Variants in MIPOL1 observed in about 807,000 individuals in gnomAD.
MIPOL1 encodes mirror-image polydactyly gene 1 protein.
Under a neutral mutation model 60.9 loss-of-function variants are expected in MIPOL1, and 57 were observed. That is an observed-to-expected ratio of 0.94 (90% CI 0.76 to 1.17). The LOEUF (loss-of-function observed/expected upper bound fraction) is 1.17, where lower values mean the gene tolerates loss of function less well. Among genes scored for constraint, MIPOL1 ranks in the 50% most tolerant of loss-of-function variants. The pLI is 0.00. For synonymous variants in MIPOL1, 179 were observed against 168.8 expected, an observed-to-expected ratio of 1.06 and a Z score of -0.47; for missense variants, 551 against 511.6, an observed-to-expected ratio of 1.08 and a Z score of -0.74.
At chr14:37,520,460 T>C (rs903301007) in intron 12 of MIPOL1, among the ~76,000 whole-genome samples, 1 of 152,156 alleles carries the variant, frequency 6.6e-6, no homozygotes, top group Admixed American at 6.5e-5. Flanking sequence ...TTAATAAAAC[T>C]AACCAGTTAT....
chr14:37,363,685 T>G (rs190822051), intron 9 of MIPOL1, among the ~76,000 whole-genome samples: 127 of 152,324 alleles, frequency 8.3e-4, no homozygotes, highest in Non-Finnish European at 1.6e-3. Context: ...CAGGGACATT[T>G]AAGTCTGTAG....
chr14:37,295,699 G>C (rs1264446499), intron 7 of MIPOL1, among the ~76,000 whole-genome samples: 4 of 152,156 alleles, frequency 2.6e-5, no homozygotes, highest in African/African-American at 7.2e-5. Flanking sequence ...GATCAAAAGA[G>C]ACAAAGAAGG....
At chr14:37,467,186 TA>T (rs757633641) in intron 11 of MIPOL1, among the ~76,000 whole-genome samples, 2 of 152,190 alleles carry the variant, frequency 1.3e-5, no homozygotes, top group African/African-American at 2.4e-5. Context: ...TTTATAACCC[TA>T]AAACCTGTAG....
At chr14:37,264,300 C>G (rs1365858995) in intron 3 of MIPOL1, among the ~76,000 whole-genome samples, 1 of 151,886 alleles carries the variant, frequency 6.6e-6, no homozygotes, top group Non-Finnish European at 1.5e-5. Flanking sequence ...GTGTTTCATG[C>G]CTGTTGCTTA....
intron 11 of MIPOL1, among the ~76,000 whole-genome samples, chr14:37,476,895 CTTTTTTTT>C (rs869027204): frequency 2.3e-5 from 2 of 87,334 alleles, no homozygotes; most frequent in East Asian, 4.1e-4. Context: ...CTTGTAATGT[CTTTTTTTT>C]TTTTTTTTTT....
rs115085326 is a variant in MIPOL1, at chr14:37,547,480, G to A, written c.*509G>A. On this transcript the variant is annotated 3_prime_UTR_variant, in exon 13 of 13. Transcript: ENST00000684589. ...TGAGTGTGTAGTCTTCCTTCAATGC[G>A]TGTATGTAATCTTTGTTAGTATAAA... 2,204 of 152,758 alleles carry A rather than the reference G, an allele frequency of 0.014. 53 individuals carry two copies. Among genetic ancestry groups the A allele is most frequent in the African/African-American group, 0.048 (2,008 of 41,516 alleles). The allele number at this position is 152,758 out of a possible 1,614,324, so 9.5% of individuals were successfully genotyped here. A position where few individuals can be genotyped will look rare whatever the true frequency, so the allele number is the denominator to read the frequency against.
chr14:37,515,050 T>G (rs746760878), intron 12 of MIPOL1, among the ~76,000 whole-genome samples: 15 of 152,168 alleles, frequency 9.9e-5, no homozygotes, highest in Non-Finnish European at 2.2e-4. Flanking sequence ...ATTTGCCCAT[T>G]GGTAAATTTA....
chr14:37,279,451 A>G (rs941838226), intron 6 of MIPOL1, among the ~76,000 whole-genome samples: 2 of 151,814 alleles, frequency 1.3e-5, no homozygotes, highest in Admixed American at 6.6e-5. Flanking sequence ...AGTGTTTACA[A>G]TTAAGTTTTC....
At chr14:37,515,035 T>C (rs558630012) in intron 12 of MIPOL1, among the ~76,000 whole-genome samples, 4 of 152,344 alleles carry the variant, frequency 2.6e-5, no homozygotes, top group African/African-American at 9.6e-5. Context: ...TTTGCCGATG[T>C]CCATATTTGC....
At chr14:37,274,739 T>C (rs759801035) in intron 6 of MIPOL1, among the ~76,000 whole-genome samples, 2 of 151,208 alleles carry the variant, frequency 1.3e-5, no homozygotes, top group Non-Finnish European at 3.0e-5. Context: ...CTACTATAGG[T>C]TGTTGTGATG....
chr14:37,324,169 A>G (rs192538276), intron 9 of MIPOL1, among the ~76,000 whole-genome samples: 2 of 152,156 alleles, frequency 1.3e-5, no homozygotes, highest in East Asian at 3.9e-4. Flanking sequence ...GTATTATTTT[A>G]CATTCTCAGC....
At chr14:37,443,260 A>G (rs1246761233) in intron 11 of MIPOL1, among the ~76,000 whole-genome samples, 4 of 151,988 alleles carry the variant, frequency 2.6e-5, no homozygotes, top group African/African-American at 9.7e-5. Context: ...GGAGTTTGAG[A>G]CCAGTCTGGG....
intron 11 of MIPOL1, among the ~76,000 whole-genome samples, chr14:37,450,681 T>C (rs1467108899): frequency 3.3e-5 from 5 of 152,132 alleles, no homozygotes; most frequent in Admixed American, 1.3e-4. Flanking sequence ...TTTGATAGTT[T>C]TCTCTTTCGT....
intron 11 of MIPOL1, among the ~76,000 whole-genome samples, chr14:37,468,168 G>A (rs910265943): frequency 1.4e-5 from 2 of 142,454 alleles, no homozygotes; most frequent in Admixed American, 7.0e-5. Flanking sequence ...ACATATACGT[G>A]TGTGTGTGTG....
At chr14:37,417,250 A>G (rs1045665365) in intron 10 of MIPOL1, among the ~76,000 whole-genome samples, 1 of 152,120 alleles carries the variant, frequency 6.6e-6, no homozygotes, top group Non-Finnish European at 1.5e-5. Flanking sequence ...ACTGCCCATG[A>G]ATCAGTTTCT....
intron 11 of MIPOL1, among the ~76,000 whole-genome samples, chr14:37,451,622 TGAA>T (rs2094417780): frequency 6.6e-6 from 1 of 151,666 alleles, no homozygotes; most frequent in African/African-American, 2.4e-5. Context: ...GATTGTTTAA[TGAA>T]GAAATACATT....
intron 11 of MIPOL1, among the ~76,000 whole-genome samples, chr14:37,462,783 G>C (rs187544720): frequency 1.3e-5 from 2 of 152,214 alleles, no homozygotes; most frequent in African/African-American, 2.4e-5. Flanking sequence ...TTCCCAACAA[G>C]TTTCTCTTCT....
intron 11 of MIPOL1, among the ~76,000 whole-genome samples, chr14:37,494,422 T>G (rs548432549): frequency 2.2e-4 from 34 of 152,322 alleles, no homozygotes; most frequent in African/African-American, 7.9e-4. Flanking sequence ...TTTGTCTTAC[T>G]GGATAAGTAA....
intron 11 of MIPOL1, among the ~76,000 whole-genome samples, chr14:37,445,661 A>G (rs1194680826): frequency 1.7e-4 from 26 of 151,692 alleles, no homozygotes; most frequent in African/African-American, 2.9e-4. Flanking sequence ...CACACTACCT[A>G]ACTTCAAACT....
Sources: gnomAD v4.1 joint callset for allele counts (sites outside exome capture counted in the v4.1 genomes callset) on GRCh38, gnomAD v4.1.1 for gene constraint, MANE v1.5 for transcripts, NCBI Gene and HGNC (gene_info 2026-07-23, HGNC 2026-07-21) for gene names.